The following PSD2 variants were observed in gnomAD, a reference collection of about 807,000 sequenced individuals.
The protein encoded by PSD2 is pleckstrin and Sec7 domain containing 2, also known as PH and SEC7 domain-containing protein 2.
A neutral mutation model predicts 69.8 loss-of-function variants in PSD2; 38 were observed. That is an observed-to-expected ratio of 0.54 (90% confidence interval 0.42 to 0.71). The LOEUF (loss-of-function observed/expected upper bound fraction) is 0.71. PSD2 is among the 30% of genes least tolerant of loss of function. The pLI, the probability that PSD2 is intolerant of heterozygous loss-of-function variation, is 0.00. For synonymous variants in PSD2, 412 were observed against 423.0 expected, an observed-to-expected ratio of 0.97 and a Z score of 0.32; for missense variants, 943 against 1,014.5, an observed-to-expected ratio of 0.93 and a Z score of 0.96.
the PSD2 span, among the ~76,000 whole-genome samples, chr5:139,770,070 C>G: frequency 6.6e-6 from 1 of 152,176 alleles, no homozygotes; most frequent in Admixed American, 6.5e-5. Context: ...GCATGCAGTG[C>G]TGGTGATGCC....
upstream of PSD2, among the ~76,000 whole-genome samples, chr5:139,793,820 G>C (rs1759461415): frequency 6.6e-6 from 1 of 152,220 alleles, no homozygotes; most frequent in Non-Finnish European, 1.5e-5. Flanking sequence ...GAGCACATCA[G>C]CTCTTTCGGT....
chr5:139,766,828 C>CTTCTCTCTCTCTTTCT, the PSD2 span, among the ~76,000 whole-genome samples: 6 of 87,812 alleles, frequency 6.8e-5, no homozygotes, highest in African/African-American at 2.1e-4. Context: ...AAGTCCCTTC[C>CTTCTCTCTCTCTTTCT]TTCTTTCTTT....
chr5:139,790,919 G>T (rs1368479073), upstream of PSD2, among the ~76,000 whole-genome samples: 1 of 151,734 alleles, frequency 6.6e-6, no homozygotes, highest in Non-Finnish European at 1.5e-5. Flanking sequence ...TGGGTGGGGG[G>T]GAGCGCCTAT....
the PSD2 span, among the ~76,000 whole-genome samples, chr5:139,783,337 G>A: frequency 2.9e-3 from 445 of 152,256 alleles, 1 homozygote; most frequent in African/African-American, 9.5e-3. Flanking sequence ...AGCCACTTGC[G>A]AGGCTGAGGC....
At chr5:139,787,494 G>A in the PSD2 span, among the ~76,000 whole-genome samples, 2 of 152,364 alleles carry the variant, frequency 1.3e-5, no homozygotes, top group Admixed American at 1.3e-4. Flanking sequence ...GGTCATGCGT[G>A]GCAAGAACTC....
At chr5:139,786,534 T>C in the PSD2 span, among the ~76,000 whole-genome samples, 24 of 152,100 alleles carry the variant, frequency 1.6e-4, no homozygotes, top group Middle Eastern at 3.2e-3. Flanking sequence ...CCTGAAACAT[T>C]CCCCCATTTT....
chr5:139,756,296 C>T, the PSD2 span, among the ~76,000 whole-genome samples: 2 of 152,242 alleles, frequency 1.3e-5, no homozygotes, highest in Non-Finnish European at 2.9e-5. Flanking sequence ...AATTCGATGC[C>T]AATCAGGTTG....
chr5:139,766,035 G>T, the PSD2 span, among the ~76,000 whole-genome samples: 9 of 152,142 alleles, frequency 5.9e-5, no homozygotes, highest in Non-Finnish European at 1.2e-4. Context: ...GCCCCTCTGT[G>T]GTGGCTGGGT....
chr5:139,746,999 C>T, the PSD2 span, among the ~76,000 whole-genome samples: 1 of 152,154 alleles, frequency 6.6e-6, no homozygotes, highest in Admixed American at 6.5e-5. This position sits in a 1 kb window ranked among gnomAD's most constrained non-coding sequence, Gnocchi z 4.5. Flanking sequence ...CCTGTCCCCT[C>T]GCCCGGTCCT....
chr5:139,759,442 A>G, the PSD2 span, among the ~76,000 whole-genome samples: 1 of 152,006 alleles, frequency 6.6e-6, no homozygotes, highest in Non-Finnish European at 1.5e-5. Context: ...CGCACCGTAT[A>G]TCATGTCTGC....
At chr5:139,758,143 C>T in the PSD2 span, among the ~76,000 whole-genome samples, 1 of 152,118 alleles carries the variant, frequency 6.6e-6, no homozygotes, top group East Asian at 1.9e-4. Flanking sequence ...TAGGAGGCCA[C>T]AGATAGATGT....
At chr5:139,801,739 C>T (rs1759679060) in intron 1 of PSD2, among the ~76,000 whole-genome samples, 1 of 152,248 alleles carries the variant, frequency 6.6e-6, no homozygotes, top group Admixed American at 6.5e-5. Flanking sequence ...TTCATCTCAA[C>T]TTTCCTGTCT....
chr5:139,828,899 A>G lies in PSD2; in HGVS notation c.1270-4803A>G, dbSNP rs1311048444. 4.6e-5 allele frequency among the ~76,000 whole-genome samples: 7 copies of G among 152,182 alleles called. No homozygotes were observed. In the East Asian group the frequency reaches 1.4e-3, roughly 30 times the overall value. On this transcript the variant is annotated intron_variant, in intron 7 of 14. Coordinates refer to ENST00000274710, the MANE Select transcript of PSD2 (RefSeq NM_032289.4). ...CCCTGGCCCTAACGTGCCAGGGTCC[A>G]GGCCTTGGGATGGGGCAGTGGTTGG...
the PSD2 span, among the ~76,000 whole-genome samples, chr5:139,765,968 GTCC>G: frequency 6.6e-6 from 1 of 152,138 alleles, no homozygotes; most frequent in African/African-American, 2.4e-5. Context: ...CTCTTTCCCT[GTCC>G]TCCTTTTTTG....
chr5:139,777,655 G>T, the PSD2 span, among the ~76,000 whole-genome samples: 8 of 152,124 alleles, frequency 5.3e-5, no homozygotes, highest in East Asian at 1.3e-3. Flanking sequence ...AGGCCGACGT[G>T]GGTGGAGTGC....
At position 139,836,968 on chromosome 5, in the gene PSD2, C is replaced by T. The variant is rs919511332; in HGVS notation, c.1561C>T (p.Arg521Trp). The stretch of plus-strand genomic sequence containing the variant: ...CACCTACAAGCACGGCGTCCTGACC[C>T]GGAAGACTCACGCTGACATGGATGG... ...ATTYKHGVLTRKTHADMDGKR... is the reference protein window; with the variant it reads ...ATTYKHGVLTWKTHADMDGKR... The change falls in exon 10 of 15, where the codon CGG becomes TGG. Residue 521 changes from arginine (R) to tryptophan (W), a missense_variant. Physicochemically the swap from Arg to Trp is moderately radical, Grantham distance 101 (BLOSUM62 -3). Coordinates refer to ENST00000274710, the MANE Select transcript of PSD2 (RefSeq NM_032289.4). 8 of 1,613,630 alleles carry T rather than the reference C, an allele frequency of 5.0e-6. No homozygotes were observed. The highest frequency in any genetic ancestry group is 1.3e-5 in the African/African-American group (1 of 74,922).
At chr5:139,798,260 C>T (rs1759583399) in intron 1 of PSD2, among the ~76,000 whole-genome samples, 2 of 152,224 alleles carry the variant, frequency 1.3e-5, no homozygotes, top group Admixed American at 1.3e-4. Context: ...TGTTCCTGCC[C>T]TGGTCTCCCT....
chr5:139,812,801 G>A (rs141201082), intron 2 of PSD2, among the ~76,000 whole-genome samples: 104 of 152,326 alleles, frequency 6.8e-4, no homozygotes, highest in African/African-American at 2.4e-3. Flanking sequence ...TGTTCACACT[G>A]CTTTGGGAGC....
chr5:139,792,856 GTCTTTCCT>G (rs1178048441), upstream of PSD2, among the ~76,000 whole-genome samples: 2 of 47,590 alleles, frequency 4.2e-5, no homozygotes, highest in East Asian at 4.6e-4. Flanking sequence ...TTTTCTTTCT[GTCTTTCCT>G]TCCTTCCTTC....
Sources: allele counts gnomAD v4.1 joint callset (sites outside exome capture counted in the v4.1 genomes callset), GRCh38; gene constraint gnomAD v4.1.1; non-coding constraint Gnocchi (gnomAD v3.1); transcripts MANE v1.5; gene names NCBI Gene and HGNC (gene_info 2026-07-23, HGNC 2026-07-21).